CDH1: variants seen among roughly 807,000 people sequenced by gnomAD.
CDH1 encodes cadherin 1.
A neutral mutation model predicts 84.5 loss-of-function variants in CDH1; 35 were observed. The ratio of observed to expected loss-of-function variants is 0.41; its 90% CI spans 0.32 to 0.55. The LOEUF (loss-of-function observed/expected upper bound fraction) is 0.55, where lower values mean the gene tolerates loss of function less well. CDH1 is among the 20% of genes least tolerant of loss of function. The pLI is 0.19. For missense variants in CDH1, 994 were observed against 1,126.6 expected (o/e 0.88, Z 1.68); for synonymous variants, 417 against 439.0 (o/e 0.95, Z 0.63).
At chr16:68,812,325 T>A (rs2152132813) in intron 8 of CDH1, 62 bp downstream of exon 8, 1 of 1,543,338 alleles carries the variant, frequency 6.5e-7, no homozygotes, top group Non-Finnish European at 9.0e-7. Flanking sequence ...ATGAACTAAG[T>A]GTCACCACTG....
intron 2 of CDH1, among the ~76,000 whole-genome samples, chr16:68,757,715 G>A (rs1468089195): frequency 2.0e-5 from 3 of 151,946 alleles, no homozygotes; most frequent in Non-Finnish European, 4.4e-5. Flanking sequence ...GTGATTTTGG[G>A]CAAGTTTCTT....
At position 68,811,864 on chromosome 16, in the gene CDH1, G is replaced by A. The variant is rs747041054; in HGVS notation, c.1008+5G>A. ...ACCACTGGGCTGGACCGAGAGGTCA[G>A]GGGTCAGGAGGATCCAGAGGGTGTG... On this transcript the variant is annotated splice_donor_5th_base_variant and intron_variant, in intron 7 of 15. Transcript: ENST00000261769. The A allele has an allele frequency of 6.2e-7, 1 of 1,613,996 alleles. No homozygotes were observed. The highest frequency in any genetic ancestry group is 1.7e-5 in the Admixed American group (1 of 60,018).
chr16:68,771,787 T>C (rs1959584932), intron 2 of CDH1, among the ~76,000 whole-genome samples: 2 of 151,704 alleles, frequency 1.3e-5, no homozygotes, highest in South Asian at 4.2e-4. Flanking sequence ...TAAAGAGATC[T>C]CACTATGTTG....
intron 2 of CDH1, among the ~76,000 whole-genome samples, chr16:68,775,216 C>T (rs1020039416): frequency 3.3e-5 from 5 of 151,952 alleles, no homozygotes; most frequent in African/African-American, 7.3e-5. Context: ...TAAGTGTGTG[C>T]GTCCGAGCAT....
Position 68,822,169 on chromosome 16 carries a change from C to G in CDH1, c.1880C>G (p.Thr627Arg), listed in dbSNP as rs751265976. 6.2e-7 allele frequency: 1 copy of G among 1,614,162 alleles called. No individual in the cohort carries two copies. Among genetic ancestry groups the G allele is most frequent in the South Asian group, 1.1e-5 (1 of 91,082 alleles). The change falls in exon 12 of 16, where the codon ACA becomes AGA. Residue 627 changes from threonine (T) to arginine (R), a missense_variant. By Grantham distance (71) the Thr-to-Arg change is moderately conservative (BLOSUM62 -1). Transcript: ENST00000261769. The stretch of plus-strand genomic sequence containing the variant: ...CTTCCTCCCAATACATCTCCCTTCA[C>G]AGCAGAACTAACACACGGGGCGAGT... ...ADLPPNTSPF[T>R]AELTHGASAN...
At chr16:68,808,601 G>T (rs1213849763) in intron 4 of CDH1, 34 bp downstream of exon 4, 1 of 1,613,814 alleles carries the variant, frequency 6.2e-7, no homozygotes, top group East Asian at 2.2e-5. Context: ...CTCTGGGAGG[G>T]ATTTGGCAGA....
At chr16:68,815,104 G>A (rs1346310921) in intron 9 of CDH1, among the ~76,000 whole-genome samples, 1 of 152,010 alleles carries the variant, frequency 6.6e-6, no homozygotes, top group African/African-American at 2.4e-5. Flanking sequence ...GCGGGCTCCT[G>A]TAATCCCAGC....
At chr16:68,776,535 A>T (rs1300190125) in intron 2 of CDH1, among the ~76,000 whole-genome samples, 2 of 152,060 alleles carry the variant, frequency 1.3e-5, no homozygotes, top group Non-Finnish European at 2.9e-5. Context: ...AATTTTTTTT[A>T]AATAGTATGT....
intron 10 of CDH1, 75 bp from the exon 11 acceptor site, chr16:68,819,205 G>A (rs1961069184): frequency 6.5e-7 from 1 of 1,533,572 alleles, no homozygotes. Flanking sequence ...TATAACTGAA[G>A]AAGCGCTTAA....
intron 2 of CDH1, among the ~76,000 whole-genome samples, chr16:68,751,709 G>T (rs1962887045): frequency 6.6e-6 from 1 of 151,536 alleles, no homozygotes; most frequent in African/African-American, 2.4e-5. Flanking sequence ...TACCATGTTG[G>T]CCAGACTGGT....
chr16:68,753,937 A>T (rs1306925707), intron 2 of CDH1, among the ~76,000 whole-genome samples: 1 of 151,054 alleles, frequency 6.6e-6, no homozygotes, highest in Non-Finnish European at 1.5e-5. Context: ...TAACATGGTG[A>T]AACCCCATCT....
rs142293396 is a variant in CDH1, at chr16:68,753,886, G to T, written c.163+15475G>T. 9.6e-3 allele frequency among the ~76,000 whole-genome samples: 1,458 copies of T among 152,068 alleles called. 28 individuals are homozygous for T. Among genetic ancestry groups the T allele is most frequent in the African/African-American group, 0.033 (1,375 of 41,498 alleles). On this transcript the variant is annotated intron_variant, in intron 2 of 15. Coordinates refer to ENST00000261769, the MANE Select transcript of CDH1 (RefSeq NM_004360.5). Reference sequence around the variant, plus strand: ...AATCCCAGTACTTTGGGAGGCTGAGGCAGGCGGATCATGAGGTCAGCAGAT... The same window carrying T: ...AATCCCAGTACTTTGGGAGGCTGAGTCAGGCGGATCATGAGGTCAGCAGAT...
rs587778174 is a variant in CDH1, at chr16:68,801,670, T to C, written c.164T>C (p.Val55Ala). The C allele has an allele frequency of 1.9e-6, 3 of 1,612,544 alleles. No homozygotes were observed. The South Asian group carries it at 3.3e-5, about 18-fold the overall frequency. The change falls in exon 3 of 16, where the codon GTG (valine) becomes GCG (alanine). Residue 55 changes from valine (V) to alanine (A), a missense_variant and splice_region_variant. Val to Ala is a moderately conservative substitution (Grantham distance 64). Transcript: ENST00000261769. ...AATCTCTGTGATTTCTGCCCTGCAG[T>C]GAATTTTGAAGATTGCACCGGTCGA... ...HLERGRVLGR[V>A]NFEDCTGRQR...
At chr16:68,829,600 GTATGAC>G in intron 14 of CDH1, 48 bp from the exon 15 acceptor site, 1 of 1,554,786 alleles carries the variant, frequency 6.4e-7, no homozygotes, top group East Asian at 2.2e-5. Flanking sequence ...AGCCCTGTGT[GTATGAC>G]TATTTCTTTC....
At chr16:68,802,396 G>A (rs1201861893) in intron 3 of CDH1, among the ~76,000 whole-genome samples, 3 of 152,122 alleles carry the variant, frequency 2.0e-5, no homozygotes, top group Non-Finnish European at 4.4e-5. Context: ...AAATACGCAA[G>A]GCATACTTAG....
At chr16:68,829,855 GT>G in intron 15 of CDH1, 58 bp downstream of exon 15, 2 of 1,562,832 alleles carry the variant, frequency 1.3e-6, no homozygotes, top group Non-Finnish European at 1.8e-6. Flanking sequence ...AGGAGGAGTT[GT>G]GTCAAAAATG....
rs577351315 is a variant in CDH1 at position 68,755,563 on chromosome 16, G to A, written c.163+17152G>A. Among the ~76,000 whole-genome samples the A allele has an allele frequency of 4.0e-5, 6 of 151,606 alleles. No individual in the cohort carries two copies. In the South Asian group the frequency reaches 1.3e-3, roughly 32 times the overall value. ...GCCCGGCCAGGCCAGGCATTTTCTA[G>A]AGAAGGAATCCTGAGGGCTCATTTT... is the stretch of plus-strand genomic sequence containing the variant. On this transcript the variant is annotated intron_variant, in intron 2 of 15. Transcript: ENST00000261769.
chr16:68,786,335 CT>C (rs1399915989), intron 2 of CDH1, among the ~76,000 whole-genome samples: 6 of 151,774 alleles, frequency 4.0e-5, no homozygotes, highest in African/African-American at 1.5e-4. Context: ...CCATGCCTGG[CT>C]TGTTTTTGTA....
chr16:68,823,654 C>G (rs2152139740), intron 13 of CDH1, 28 bp downstream of exon 13: 3 of 1,474,878 alleles, frequency 2.0e-6, no homozygotes, highest in Non-Finnish European at 1.9e-6. Context: ...GTGACTCAGC[C>G]TTTGACTTAA....
Sources: gnomAD v4.1 joint callset for allele counts (sites outside exome capture counted in the v4.1 genomes callset) on GRCh38, gnomAD v4.1.1 for gene constraint, MANE v1.5 for transcripts, NCBI Gene and HGNC (gene_info 2026-07-23, HGNC 2026-07-21) for gene names.